Variants in HPCAL1 observed in about 807,000 individuals in gnomAD.
The protein encoded by HPCAL1 is hippocalcin like 1.
A neutral mutation model predicts 17.1 loss-of-function variants in HPCAL1; 8 were observed. The ratio of observed to expected loss-of-function variants is 0.47; its 90% CI spans 0.27 to 0.84. The LOEUF (loss-of-function observed/expected upper bound fraction) is 0.84. Among genes scored for constraint, HPCAL1 ranks in the 40% least tolerant of loss-of-function variants. The pLI is 0.13. For missense variants in HPCAL1, 165 were observed against 271.1 expected (o/e 0.61, Z 2.75); for synonymous variants, 112 against 111.4 (o/e 1.01, Z -0.03).
chr2:10,371,411 G>T (rs1266261778), intron 1 of HPCAL1, among the ~76,000 whole-genome samples: 1 of 79,368 alleles, frequency 1.3e-5, no homozygotes, highest in African/African-American at 7.0e-5. Context: ...GGCCCCAGGT[G>T]TAGGCCCAGG....
At chr2:10,390,727 C>T (rs1668636050) in intron 1 of HPCAL1, among the ~76,000 whole-genome samples, 1 of 152,130 alleles carries the variant, frequency 6.6e-6, no homozygotes, top group African/African-American at 2.4e-5. Context: ...GTACCCTTTC[C>T]CAAAGACCAG....
rs1376776539 is a variant in HPCAL1, at chr2:10,328,741, T to C, written c.-111+25564T>C. Among the ~76,000 whole-genome samples the C allele has an allele frequency of 3.9e-5, 6 of 152,174 alleles. No individual in the cohort carries two copies. In the East Asian group the frequency reaches 1.2e-3, roughly 29 times the overall value. On this transcript the variant is annotated intron_variant, in intron 1 of 4. Transcript: ENST00000307845. The stretch of plus-strand genomic sequence containing the variant: ...ACATGAACCAATTCCTCATAATACA[T>C]TTCTGTCTGTTTATTTCTATATATT...
At chr2:10,373,302 T>C (rs537514153) in intron 1 of HPCAL1, among the ~76,000 whole-genome samples, 271 of 152,088 alleles carry the variant, frequency 1.8e-3, no homozygotes, top group Non-Finnish European at 3.4e-3. Context: ...ATGGGGAAAC[T>C]GAGGCTTGGA....
At position 10,403,438 on chromosome 2, in the gene HPCAL1, A is replaced by G. The variant is rs1364708961; in HGVS notation, c.-25+6518A>G. On this transcript the variant is annotated intron_variant, in intron 2 of 4. Coordinates refer to ENST00000307845, the MANE Select transcript of HPCAL1 (RefSeq NM_002149.4). The stretch of plus-strand genomic sequence containing the variant: ...TTCTGCAGTTGAAAATGATGCCCTC[A>G]TAACAAAGAGTTCTTTTGTGTGTGT... Among the ~76,000 whole-genome samples, 3 of 149,996 alleles carry G rather than the reference A, an allele frequency of 2.0e-5. No homozygotes were observed. The Admixed American group carries it at 2.0e-4, about 10-fold the overall frequency.
intron 1 of HPCAL1, among the ~76,000 whole-genome samples, chr2:10,385,614 T>C (rs1283578410): frequency 6.6e-6 from 1 of 152,202 alleles, no homozygotes; most frequent in South Asian, 2.1e-4. Flanking sequence ...GCATGGACGA[T>C]GGCAGAATCC....
At chr2:10,355,503 A>G (rs918465403) in intron 1 of HPCAL1, among the ~76,000 whole-genome samples, 1 of 143,872 alleles carries the variant, frequency 7.0e-6, no homozygotes, top group Non-Finnish European at 1.5e-5. Flanking sequence ...GGACAGCCAC[A>G]CCACTGATCA....
At chr2:10,306,543 G>A (rs76802683) in intron 1 of HPCAL1, among the ~76,000 whole-genome samples, 5,616 of 152,244 alleles carry the variant, frequency 0.037, 141 homozygotes, top group East Asian at 0.11. Context: ...AATGACAGAG[G>A]GTGGCTGTAT....
Position 10,374,563 on chromosome 2 carries a change from C to A in HPCAL1, c.-110-22272C>A, listed in dbSNP as rs150877662. Reference sequence around the variant, plus strand: ...AGGCATCCTGTCTGCAGGGCCCATGCGGGGGACAGGGCAAGAGGTGCGGTG... The same window carrying A: ...AGGCATCCTGTCTGCAGGGCCCATGAGGGGGACAGGGCAAGAGGTGCGGTG... On this transcript the variant is annotated intron_variant, in intron 1 of 4. Transcript: ENST00000307845. Among the ~76,000 whole-genome samples, 26 of 152,330 alleles carry A rather than the reference C, an allele frequency of 1.7e-4. No individual in the cohort carries two copies. The East Asian group carries it at 3.9e-3, about 23-fold the overall frequency.
intron 1 of HPCAL1, chr2:10,303,654 C>CT (rs57977499): frequency 5.0e-3 from 1 of 200 alleles, no homozygotes; most frequent in Non-Finnish European, 6.3e-3. Flanking sequence ...GCAGGCTGGG[C>CT]AGCCCTCAGG....
At chr2:10,426,013 G>A (rs1385775686) in intron 4 of HPCAL1, 1 of 152,364 alleles carries the variant, frequency 6.6e-6, no homozygotes, top group African/African-American at 2.4e-5. Flanking sequence ...ATGGGATGGG[G>A]AGCGGAGGGT....
At chr2:10,364,749 C>T (rs1666745349) in intron 1 of HPCAL1, among the ~76,000 whole-genome samples, 1 of 152,116 alleles carries the variant, frequency 6.6e-6, no homozygotes, top group Non-Finnish European at 1.5e-5. Context: ...CCACACCAGA[C>T]TAATTTTTGT....
chr2:10,411,999 A>T (rs1421212463), intron 2 of HPCAL1, among the ~76,000 whole-genome samples: 1 of 152,040 alleles, frequency 6.6e-6, no homozygotes, highest in Non-Finnish European at 1.5e-5. Context: ...TGGTTACCTG[A>T]CCGCTGAGTC....
At chr2:10,410,496 C>T (rs1164372126) in intron 2 of HPCAL1, among the ~76,000 whole-genome samples, 1 of 117,354 alleles carries the variant, frequency 8.5e-6, no homozygotes, top group Non-Finnish European at 1.6e-5. Flanking sequence ...AGCAGGGTAA[C>T]TGAGAACCAC....
intron 1 of HPCAL1, among the ~76,000 whole-genome samples, chr2:10,375,131 T>C (rs978993001): frequency 6.6e-6 from 1 of 152,162 alleles, no homozygotes; most frequent in Non-Finnish European, 1.5e-5. Context: ...GGAAAGCATT[T>C]CCACCCACAG....
At chr2:10,329,120 C>G (rs1664195535) in intron 1 of HPCAL1, among the ~76,000 whole-genome samples, 1 of 152,152 alleles carries the variant, frequency 6.6e-6, no homozygotes. Flanking sequence ...TGAGCCGCCA[C>G]TGTTGGTCTC....
intron 1 of HPCAL1, among the ~76,000 whole-genome samples, chr2:10,324,607 G>C (rs1302663263): frequency 6.6e-6 from 1 of 151,960 alleles, no homozygotes; most frequent in Non-Finnish European, 1.5e-5. Context: ...CCTATGTTTT[G>C]GGGAAATGCA....
intron 4 of HPCAL1, chr2:10,425,018 T>G (rs114421577): frequency 0.02 from 3,766 of 188,250 alleles, 158 homozygotes; most frequent in African/African-American, 0.082. Flanking sequence ...CTGCCCTCCA[T>G]CAGGAGGAGC....
intron 1 of HPCAL1, among the ~76,000 whole-genome samples, chr2:10,379,308 TG>T (rs1436736022): frequency 6.6e-6 from 1 of 151,480 alleles, no homozygotes; most frequent in African/African-American, 2.4e-5. Context: ...CCAGAAAAAT[TG>T]TGAGGATGAG....
chr2:10,424,308 G>T (rs941815977), intron 4 of HPCAL1: 24 of 352,742 alleles, frequency 6.8e-5, no homozygotes, highest in Non-Finnish European at 1.1e-4. Flanking sequence ...AAACAAGGCT[G>T]CCTGGTGCCT....
Sources: allele counts gnomAD v4.1 joint callset (sites outside exome capture counted in the v4.1 genomes callset), GRCh38; gene constraint gnomAD v4.1.1; transcripts MANE v1.5; gene names NCBI Gene and HGNC (gene_info 2026-07-23, HGNC 2026-07-21).